The following NAALADL2 variants were observed in gnomAD, a reference collection of about 807,000 sequenced individuals.
NAALADL2 encodes N-acetylated alpha-linked acidic dipeptidase like 2.
A neutral mutation model predicts 87.2 loss-of-function variants in NAALADL2; 76 were observed. The ratio of observed to expected loss-of-function variants is 0.87; its 90% CI spans 0.72 to 1.05. The LOEUF is 1.05. NAALADL2 is among the 50% of genes least tolerant of loss of function. NAALADL2 has a pLI of 0.00. For missense variants in NAALADL2, 1,089 were observed against 945.8 expected (o/e 1.15, Z -1.99); for synonymous variants, 354 against 331.0 (o/e 1.07, Z -0.75).
chr3:174,954,568 A>C (rs954745459), intron 1 of NAALADL2, among the ~76,000 whole-genome samples: 16 of 152,104 alleles, frequency 1.1e-4, no homozygotes, highest in African/African-American at 3.9e-4. Context: ...AGTATATTGT[A>C]TGTGTTTACA....
intron 2 of NAALADL2, among the ~76,000 whole-genome samples, chr3:175,180,104 A>C (rs1159324683): frequency 6.6e-6 from 1 of 151,960 alleles, no homozygotes; most frequent in Non-Finnish European, 1.5e-5. Flanking sequence ...CCAAAAAATG[A>C]AAATATTTAG....
rs893661535 is a variant in NAALADL2 at position 175,447,250 on chromosome 3, G to C, written c.1112G>C (p.Arg371Pro). Residue 371 changes from arginine (R) to proline (P), a missense_variant, in exon 6 of 14, where the codon CGA (arginine) becomes CCA (proline). Transcript: ENST00000454872. ...ACAGATGAAAGTTTTAGACAAAGCC[G>C]ATCAAACCTCACCTCTCTATTAGTG... ...PSVDESFRQS[R>P]SNLTSLLVQP... is the part of the protein sequence containing the mutation. 1 of 1,592,926 alleles carries C rather than the reference G, an allele frequency of 6.3e-7. No individual in the cohort carries two copies. Among genetic ancestry groups the C allele is most frequent in the Admixed American group, 1.8e-5 (1 of 54,774 alleles).
intron 4 of NAALADL2, among the ~76,000 whole-genome samples, chr3:175,299,510 A>T (rs1438631799): frequency 6.6e-6 from 1 of 151,894 alleles, no homozygotes; most frequent in Non-Finnish European, 1.5e-5. Flanking sequence ...GGTCCTTCAC[A>T]TCCCTTGTAA....
intron 5 of NAALADL2, among the ~76,000 whole-genome samples, chr3:175,380,364 A>G (rs969843004): frequency 3.3e-5 from 5 of 152,138 alleles, no homozygotes; most frequent in African/African-American, 9.7e-5. Flanking sequence ...TCTATCCACA[A>G]TGTGAGAAAT....
chr3:175,106,680 A>G (rs970002867), intron 2 of NAALADL2, among the ~76,000 whole-genome samples: 10 of 152,008 alleles, frequency 6.6e-5, no homozygotes, highest in Non-Finnish European at 1.5e-4. Flanking sequence ...AAAGTTGAGA[A>G]CTGTTTGTAT....
intron 2 of NAALADL2, among the ~76,000 whole-genome samples, chr3:174,716,452 A>G (rs1361733993): frequency 1.3e-5 from 2 of 152,144 alleles, no homozygotes; most frequent in Admixed American, 1.3e-4. Context: ...GGTGTTCCAA[A>G]TTAATACAGT....
At chr3:175,708,782 T>C (rs1306276308) in intron 11 of NAALADL2, among the ~76,000 whole-genome samples, 1 of 151,554 alleles carries the variant, frequency 6.6e-6, no homozygotes, top group African/African-American at 2.4e-5. Flanking sequence ...TAAAACAGCT[T>C]TACTATTCTT....
At chr3:175,763,733 G>A (rs1748332654) in intron 13 of NAALADL2, among the ~76,000 whole-genome samples, 1 of 152,128 alleles carries the variant, frequency 6.6e-6, no homozygotes. Flanking sequence ...TATACATTAA[G>A]AGGGCACATC....
chr3:175,643,254 T>C (rs182886879), intron 11 of NAALADL2, among the ~76,000 whole-genome samples: 2 of 152,308 alleles, frequency 1.3e-5, no homozygotes, highest in Admixed American at 1.3e-4. Context: ...TATACCAAAA[T>C]TTGTTTACCT....
At chr3:174,793,270 T>C (rs1318257357) in intron 3 of NAALADL2, among the ~76,000 whole-genome samples, 2 of 152,144 alleles carry the variant, frequency 1.3e-5, no homozygotes, top group African/African-American at 4.8e-5. Flanking sequence ...GGGGTTCATA[T>C]ATATAAAAAC....
At chr3:175,071,428 T>A (rs1173605524) in intron 1 of NAALADL2, among the ~76,000 whole-genome samples, 1 of 152,100 alleles carries the variant, frequency 6.6e-6, no homozygotes, top group Non-Finnish European at 1.5e-5. Flanking sequence ...AATATGGAAG[T>A]CATTCTTTTC....
chr3:174,709,003 C>A (rs190088584), intron 2 of NAALADL2, among the ~76,000 whole-genome samples: 1 of 152,080 alleles, frequency 6.6e-6, no homozygotes, highest in Non-Finnish European at 1.5e-5. Context: ...CTCAACCCAA[C>A]ATGATTCAAA....
intron 1 of NAALADL2, among the ~76,000 whole-genome samples, chr3:174,983,911 A>C (rs968244646): frequency 6.6e-6 from 1 of 152,194 alleles, no homozygotes; most frequent in African/African-American, 2.4e-5. Context: ...GTCAAAATAT[A>C]AAAACATACA....
chr3:175,179,170 A>G (rs1278328449), intron 2 of NAALADL2, among the ~76,000 whole-genome samples: 1 of 152,060 alleles, frequency 6.6e-6, no homozygotes, highest in East Asian at 1.9e-4. Context: ...ACTTCCATTG[A>G]TAAATCTTCC....
intron 5 of NAALADL2, among the ~76,000 whole-genome samples, chr3:175,430,198 G>GC (rs1409318986): frequency 1.3e-5 from 2 of 151,754 alleles, no homozygotes; most frequent in African/African-American, 4.8e-5. Flanking sequence ...GTTAAATTAT[G>GC]CATTGAGAAC....
intron 4 of NAALADL2, among the ~76,000 whole-genome samples, chr3:175,269,128 G>T (rs973185171): frequency 2.8e-4 from 25 of 87,944 alleles, no homozygotes; most frequent in Admixed American, 1.2e-3. Flanking sequence ...CAGTAGAGAC[G>T]GGATTTCACC....
At chr3:174,521,422 C>T (rs1205035747) in intron 1 of NAALADL2, among the ~76,000 whole-genome samples, 2 of 151,706 alleles carry the variant, frequency 1.3e-5, no homozygotes, top group South Asian at 4.2e-4. Context: ...AAAAATTAGC[C>T]GGGCGTGGTG....
intron 2 of NAALADL2, among the ~76,000 whole-genome samples, chr3:175,224,254 G>A (rs1743835969): frequency 6.6e-6 from 1 of 152,046 alleles, no homozygotes; most frequent in East Asian, 1.9e-4. Flanking sequence ...AGGCAGTTTG[G>A]CCCTGTTTCC....
chr3:175,029,707 A>G (rs1369225028), intron 1 of NAALADL2, among the ~76,000 whole-genome samples: 3 of 152,036 alleles, frequency 2.0e-5, no homozygotes, highest in African/African-American at 7.2e-5. Flanking sequence ...TAATGTCACT[A>G]TAGGCAAAGA....
Sources: allele counts gnomAD v4.1 joint callset (sites outside exome capture counted in the v4.1 genomes callset), GRCh38; gene constraint gnomAD v4.1.1; transcripts MANE v1.5; gene names NCBI Gene and HGNC (gene_info 2026-07-23, HGNC 2026-07-21).